The following TMED3 variants were observed in gnomAD, a reference collection of about 807,000 sequenced individuals.
TMED3 encodes transmembrane emp24 domain-containing protein 3.
TMED3 carries 9 observed loss-of-function variants against 15.0 expected under a neutral mutation model. The observed-to-expected ratio is 0.60, with a 90% CI of 0.36 to 1.04. The LOEUF (loss-of-function observed/expected upper bound fraction) is 1.04, where lower values mean the gene tolerates loss of function less well. Among genes scored for constraint, TMED3 ranks in the 50% least tolerant of loss-of-function variants. The pLI is 0.01. For missense variants in TMED3, 267 were observed against 278.9 expected (o/e 0.96, Z 0.30); for synonymous variants, 117 against 121.4 (o/e 0.96, Z 0.24).
chr15:79,359,152 C>T (rs1893074583), intron 2 of TMED3, among the ~76,000 whole-genome samples: 1 of 151,550 alleles, frequency 6.6e-6, no homozygotes, highest in Admixed American at 6.6e-5. Flanking sequence ...AACAAAATTG[C>T]AACTCAAAAC....
chr15:79,325,622 G>C (rs1024499053), downstream of TMED3, among the ~76,000 whole-genome samples: 3 of 152,158 alleles, frequency 2.0e-5, no homozygotes, highest in African/African-American at 7.2e-5. Context: ...GAAGTCCCAC[G>C]ATAGGTCCTC....
At chr15:79,313,399 T>G (rs1479621607) in intron 1 of TMED3, among the ~76,000 whole-genome samples, 4 of 152,172 alleles carry the variant, frequency 2.6e-5, no homozygotes, top group Non-Finnish European at 5.9e-5. Context: ...TCAAGGCAGA[T>G]CTCATCTCAC....
At chr15:79,387,693 G>A (rs965972218) in intron 2 of TMED3, among the ~76,000 whole-genome samples, 4 of 152,016 alleles carry the variant, frequency 2.6e-5, no homozygotes, top group African/African-American at 9.7e-5. Flanking sequence ...GTTGATTGGG[G>A]GAGAAATGAC....
chr15:79,327,235 A>G (rs909006710), downstream of TMED3, among the ~76,000 whole-genome samples: 7 of 152,196 alleles, frequency 4.6e-5, no homozygotes, highest in Admixed American at 6.5e-5. Context: ...CCCTTCTGCC[A>G]CGTGAGGATG....
chr15:79,313,411 A>G (rs1447127309), intron 1 of TMED3, among the ~76,000 whole-genome samples: 1 of 152,150 alleles, frequency 6.6e-6, no homozygotes, highest in Non-Finnish European at 1.5e-5. Context: ...TCATCTCACC[A>G]CTTTCTCTTG....
At chr15:79,345,910 A>T (rs1257845307) in intron 2 of TMED3, among the ~76,000 whole-genome samples, 3 of 152,074 alleles carry the variant, frequency 2.0e-5, no homozygotes, top group Admixed American at 2.0e-4. Context: ...AGTGATGTTG[A>T]GCTCTTTTTT....
intron 2 of TMED3, among the ~76,000 whole-genome samples, chr15:79,408,683 A>AG (rs1893933546): frequency 6.6e-6 from 1 of 152,046 alleles, no homozygotes; most frequent in African/African-American, 2.4e-5. Context: ...GGGATGGTCA[A>AG]TTCTGTGCTG....
At chr15:79,360,605 C>T (rs1009321638) in intron 2 of TMED3, among the ~76,000 whole-genome samples, 11 of 152,278 alleles carry the variant, frequency 7.2e-5, no homozygotes, top group Middle Eastern at 6.8e-3. Flanking sequence ...GACATCTTTA[C>T]ATATCGTTAG....
chr15:79,325,619 C>G (rs2058784401), downstream of TMED3, among the ~76,000 whole-genome samples: 1 of 152,060 alleles, frequency 6.6e-6, no homozygotes, highest in South Asian at 2.1e-4. Context: ...GGTGAAGTCC[C>G]ACGATAGGTC....
intron 2 of TMED3, among the ~76,000 whole-genome samples, chr15:79,359,818 C>G (rs1416778091): frequency 1.3e-5 from 2 of 152,086 alleles, no homozygotes; most frequent in Admixed American, 6.5e-5. Context: ...ATTATACATG[C>G]CTGGAATAGC....
intron 2 of TMED3, among the ~76,000 whole-genome samples, chr15:79,387,687 A>G (rs1015199686): frequency 3.3e-5 from 5 of 152,138 alleles, no homozygotes; most frequent in Non-Finnish European, 5.9e-5. Context: ...CCATAGGTTG[A>G]TTGGGGGAGA....
intron 2 of TMED3, among the ~76,000 whole-genome samples, chr15:79,337,407 T>G (rs918983100): frequency 2.6e-5 from 4 of 152,164 alleles, no homozygotes; most frequent in Non-Finnish European, 4.4e-5. Context: ...TGAGACACTG[T>G]GGGTTCAGAA....
chr15:79,353,575 T>TACACACACACACAC (rs55929180), intron 2 of TMED3, among the ~76,000 whole-genome samples: 15 of 135,596 alleles, frequency 1.1e-4, no homozygotes, highest in Admixed American at 4.0e-4. Context: ...GGGTTAAAAA[T>TACACACACACACAC]ACACACACAC....
chr15:79,335,108 A>T (rs967839204), intron 2 of TMED3, among the ~76,000 whole-genome samples: 2 of 152,254 alleles, frequency 1.3e-5, no homozygotes, highest in Non-Finnish European at 2.9e-5. Flanking sequence ...GATATCCATC[A>T]TGCAGGTAAT....
downstream of TMED3, among the ~76,000 whole-genome samples, chr15:79,323,485 CT>C (rs1393359770): frequency 6.6e-6 from 1 of 152,088 alleles, no homozygotes; most frequent in Non-Finnish European, 1.5e-5. Context: ...GAATTAAGTA[CT>C]GGGTATATAT....
In TMED3 at chr15:79,313,982, A is replaced by G. The variant is rs1332721199; in HGVS notation, c.394A>G (p.Asn132Asp). ...GCCTCCCATTCTCCCAGACATGGGG[A>G]ACAGGGTCACAGCTCTCACCCAGGT... ...DEPPILPDMG[N>D]RVTALTQMES... The change falls in exon 2 of 3, where the codon AAC (asparagine) becomes GAC (aspartate). Residue 132 changes from asparagine (N) to aspartate (D), a missense_variant. By Grantham distance (23) the Asn-to-Asp change is conservative (BLOSUM62 1). Around this residue, in one of 3 missense-constraint regions of TMED3, gnomAD observed 139 missense variants for 125.0 expected, o/e 1.11. Transcript: ENST00000299705. 1 of 1,614,058 alleles carries G rather than the reference A, an allele frequency of 6.2e-7. No homozygotes were observed.
chr15:79,332,766 G>C (rs1365710593), intron 2 of TMED3, among the ~76,000 whole-genome samples: 1 of 152,174 alleles, frequency 6.6e-6, no homozygotes, highest in East Asian at 1.9e-4. Flanking sequence ...GAGCACAGCT[G>C]GGTGACATTC....
intron 2 of TMED3, among the ~76,000 whole-genome samples, chr15:79,342,619 A>G (rs529480247): frequency 1.3e-5 from 2 of 152,222 alleles, no homozygotes; most frequent in Non-Finnish European, 2.9e-5. Context: ...ATGGTAAAGC[A>G]TGCACACAAA....
chr15:79,370,399 G>C (rs1356326516), intron 2 of TMED3, among the ~76,000 whole-genome samples: 1 of 151,708 alleles, frequency 6.6e-6, no homozygotes, highest in African/African-American at 2.4e-5. Flanking sequence ...CAGACTCCTG[G>C]CATCCCATAG....
Sources: allele counts gnomAD v4.1 joint callset (sites outside exome capture counted in the v4.1 genomes callset), GRCh38; gene constraint gnomAD v4.1.1; regional missense constraint gnomAD v4.1.1; transcripts MANE v1.5; gene names NCBI Gene and HGNC (gene_info 2026-07-23, HGNC 2026-07-21).